EBF3: variants seen among roughly 807,000 people sequenced by gnomAD.
The protein encoded by EBF3 is transcription factor COE3.
Under a neutral mutation model 77.1 loss-of-function variants are expected in EBF3, and 18 were observed. The ratio of observed to expected loss-of-function variants is 0.23; its 90% CI spans 0.16 to 0.35. The LOEUF is 0.35. Ranked by LOEUF, EBF3 falls within the 10% of genes least tolerant of loss-of-function variation. The pLI, the probability that EBF3 is intolerant of heterozygous loss-of-function variation, is 1.00. For missense variants in EBF3, 558 were observed against 860.0 expected, an observed-to-expected ratio of 0.65 and a Z score of 4.39; for synonymous variants, 350 against 343.5, an observed-to-expected ratio of 1.02 and a Z score of -0.21.
chr10:129,839,729 G>C, intron 15 of EBF3, among the ~76,000 whole-genome samples: 1 of 152,212 alleles, frequency 6.6e-6, no homozygotes, highest in East Asian at 1.9e-4. Context: ...TCGGGACAAC[G>C]AGGGTAGCAG....
rs1849655217 is a variant in EBF3 at position 129,837,048 on chromosome 10, C to T, written c.*895G>A. On this transcript the variant is annotated 3_prime_UTR_variant, in exon 17 of 17. Transcript: ENST00000440978. Reference sequence around the variant, plus strand: ...TCACAAAAGTCTACAATTTTATAACCACATACAAAACACATTAGGGAAGAA... The same window carrying T: ...TCACAAAAGTCTACAATTTTATAACTACATACAAAACACATTAGGGAAGAA... 1 of 152,518 alleles carries T rather than the reference C, an allele frequency of 6.6e-6. No homozygotes were observed. Among genetic ancestry groups the T allele is most frequent in the Non-Finnish European group, 1.5e-5 (1 of 68,014 alleles). The allele number at this position is 152,518 out of a possible 1,614,324, so 9.4% of individuals were successfully genotyped here. A position where few individuals can be genotyped will look rare whatever the true frequency, so the allele number is the denominator to read the frequency against.
At chr10:129,931,662 G>A (rs1305025421) in intron 6 of EBF3, among the ~76,000 whole-genome samples, 1 of 152,256 alleles carries the variant, frequency 6.6e-6, no homozygotes, top group Non-Finnish European at 1.5e-5. Context: ...TCAGAAGTAT[G>A]CTCTGAATTT....
At chr10:129,881,941 C>G (rs1209909528) in intron 6 of EBF3, among the ~76,000 whole-genome samples, 7 of 152,162 alleles carry the variant, frequency 4.6e-5, no homozygotes, top group Non-Finnish European at 7.3e-5. Context: ...TTCAGAGTCC[C>G]AACAAAAAAC....
intron 6 of EBF3, among the ~76,000 whole-genome samples, chr10:129,913,806 A>T (rs1384356507): frequency 6.6e-6 from 1 of 152,240 alleles, no homozygotes; most frequent in Non-Finnish European, 1.5e-5. Context: ...CCCTGCACAC[A>T]GGCAGGACTC....
intron 6 of EBF3, among the ~76,000 whole-genome samples, chr10:129,878,701 G>A (rs1366217097): frequency 7.0e-6 from 1 of 143,302 alleles, no homozygotes; most frequent in African/African-American, 2.6e-5. Context: ...AGTAGGTACA[G>A]CTCTTAAAAA....
chr10:129,902,335 T>G (rs1854849553), intron 6 of EBF3, among the ~76,000 whole-genome samples: 1 of 151,634 alleles, frequency 6.6e-6, no homozygotes, highest in Non-Finnish European at 1.5e-5. Context: ...ATGGACCCCA[T>G]GAACACTTTA....
intron 7 of EBF3, 129 bp downstream of exon 7, chr10:129,877,639 A>T: frequency 1.4e-6 from 1 of 694,698 alleles, no homozygotes; most frequent in Non-Finnish European, 2.5e-6. Context: ...TATCAAATGC[A>T]CCAATTCCAG....
Position 129,837,865 on chromosome 10 carries a change from C to T in EBF3, c.*78G>A. 1.9e-6 allele frequency: 3 copies of T among 1,601,612 alleles called. No homozygotes were observed. The highest frequency in any genetic ancestry group is 2.6e-6 in the Non-Finnish European group (3 of 1,169,068). On this transcript the variant is annotated 3_prime_UTR_variant, in exon 17 of 17. Transcript: ENST00000440978. Reference sequence around the variant, plus strand: ...GTTTCCATCAGCATGTCTTAATATACTAAACGTGTCCCCTGAAGTCCGTCC... The same window carrying T: ...GTTTCCATCAGCATGTCTTAATATATTAAACGTGTCCCCTGAAGTCCGTCC...
intron 7 of EBF3, among the ~76,000 whole-genome samples, chr10:129,876,513 A>T (rs975256124): frequency 2.0e-5 from 3 of 152,242 alleles, no homozygotes; most frequent in African/African-American, 7.2e-5. Flanking sequence ...GGGCGGGCCC[A>T]AAGAGCCCGC....
chr10:129,867,818 C>T lies in EBF3; in HGVS notation c.876G>A (p.Leu292=), dbSNP rs1564839989. 2.5e-6 allele frequency: 4 copies of T among 1,614,248 alleles called. No individual in the cohort carries two copies. The highest frequency in any genetic ancestry group is 1.1e-5 in the South Asian group (1 of 91,088). ...IIIGDNFFDG[L]QVVFGTMLVW... ...CCAACATAGTTCCGAATACAACTTG[C>T]AGCCCGTCAAAGAAGTTGTCGCCAA... is the stretch of plus-strand genomic sequence containing the variant. The change falls in exon 9 of 17, where the codon CTG becomes CTA. Residue 292 remains leucine, a synonymous_variant. Transcript: ENST00000440978.
chr10:129,922,705 C>A (rs756493965), intron 6 of EBF3, among the ~76,000 whole-genome samples: 1 of 152,262 alleles, frequency 6.6e-6, no homozygotes, highest in Non-Finnish European at 1.5e-5. Context: ...GCAAACGAAC[C>A]CCTGCGTCAC....
At chr10:129,921,581 C>T (rs1856311845) in intron 6 of EBF3, among the ~76,000 whole-genome samples, 1 of 152,244 alleles carries the variant, frequency 6.6e-6, no homozygotes, top group Non-Finnish European at 1.5e-5. Flanking sequence ...TTTCAAAGGT[C>T]TCTGTGTCCA....
intron 10 of EBF3, among the ~76,000 whole-genome samples, chr10:129,865,120 A>G (rs1851908908): frequency 6.6e-6 from 1 of 152,154 alleles, no homozygotes; most frequent in Non-Finnish European, 1.5e-5. Flanking sequence ...TACACATACC[A>G]ACAGTTTGCA....
rs1009682986 is a variant in EBF3 at position 129,842,530 on chromosome 10, A to G, written c.1195-237T>C. 2.0e-4 allele frequency among the ~76,000 whole-genome samples: 30 copies of G among 152,152 alleles called. No individual in the cohort carries two copies. Among genetic ancestry groups the G allele is most frequent in the Admixed American group, 1.2e-3 (18 of 15,284 alleles). ...TGTAATCCCAGCATTTTGGGAGGTCAAGGCAGGCGGATCATCTGAGGTCAG... is the reference window on the plus strand; with the variant it reads ...TGTAATCCCAGCATTTTGGGAGGTCGAGGCAGGCGGATCATCTGAGGTCAG... On this transcript the variant is annotated intron_variant, in intron 12 of 16. Coordinates refer to ENST00000440978, the MANE Select transcript of EBF3 (RefSeq NM_001375380.1). This position sits in a 1 kb window ranked among gnomAD's most constrained non-coding sequence, Gnocchi z 4.4.
rs533846671 is a variant in EBF3 at position 129,900,372 on chromosome 10, A to G, written c.555-22523T>C. Among the ~76,000 whole-genome samples, 142 of 152,324 alleles carry G rather than the reference A, an allele frequency of 9.3e-4. 2 individuals carry two copies. Among genetic ancestry groups the G allele is most frequent in the South Asian group, 9.1e-3 (44 of 4,828 alleles). ...AAGAGAAACGCAGAAAGACCGTTTT[A>G]TAACCTAAGAGCAAGGATGGGGGGT... On this transcript the variant is annotated intron_variant, in intron 6 of 16. Coordinates refer to ENST00000440978, the MANE Select transcript of EBF3 (RefSeq NM_001375380.1).
Position 129,842,383 on chromosome 10 carries a change from C to T in EBF3, c.1195-90G>A. 6.9e-7 allele frequency: 1 copy of T among 1,440,680 alleles called. No individual in the cohort carries two copies. Among genetic ancestry groups the T allele is most frequent in the East Asian group, 2.3e-5 (1 of 42,754 alleles). The allele number at this position is 1,440,680 out of a possible 1,614,324, so 89.2% of individuals were successfully genotyped here. A position where few individuals can be genotyped will look rare whatever the true frequency, so the allele number is the denominator to read the frequency against. On this transcript the variant is annotated intron_variant, in intron 12 of 16. Coordinates refer to ENST00000440978, the MANE Select transcript of EBF3 (RefSeq NM_001375380.1). The surrounding 1 kb of genome is among the most constrained non-coding windows in gnomAD (Gnocchi z 4.4). ...GGGGGCCCACCATGGTGGCATCCCACTGTCCCTTGCCCAGACCATGACCAA... is the reference window on the plus strand; with the variant it reads ...GGGGGCCCACCATGGTGGCATCCCATTGTCCCTTGCCCAGACCATGACCAA...
rs1191961288 is a variant in EBF3 at position 129,870,133 on chromosome 10, T to C, written c.782-2221A>G. Among the ~76,000 whole-genome samples the C allele has an allele frequency of 1.3e-5, 2 of 152,178 alleles. No homozygotes were observed. The highest frequency in any genetic ancestry group is 2.4e-5 in the African/African-American group (1 of 41,438). On this transcript the variant is annotated intron_variant, in intron 8 of 16. Coordinates refer to ENST00000440978, the MANE Select transcript of EBF3 (RefSeq NM_001375380.1). This position sits in a 1 kb window ranked among gnomAD's most constrained non-coding sequence, Gnocchi z 4.4. ...AGCCACATCATCTCGGAATTTGTAG[T>C]GCTTCTCAGCGGAAAGAAAACACGG...
intron 8 of EBF3, among the ~76,000 whole-genome samples, chr10:129,868,293 A>T (rs1361491074): frequency 6.6e-6 from 1 of 152,238 alleles, no homozygotes; most frequent in Non-Finnish European, 1.5e-5. Flanking sequence ...GGAAGAGCAA[A>T]TGCCTTGCAT....
chr10:129,876,116 G>C (rs1852755569), intron 7 of EBF3, among the ~76,000 whole-genome samples: 1 of 152,222 alleles, frequency 6.6e-6, no homozygotes, highest in African/African-American at 2.4e-5. Context: ...TCAGCAGAGA[G>C]AGCAGGCAAG....
Sources: allele counts gnomAD v4.1 joint callset (sites outside exome capture counted in the v4.1 genomes callset), GRCh38; gene constraint gnomAD v4.1.1; non-coding constraint Gnocchi (gnomAD v3.1); transcripts MANE v1.5; gene names NCBI Gene and HGNC (gene_info 2026-07-23, HGNC 2026-07-21).